Variants in SP4 observed in about 807,000 individuals in gnomAD.
SP4 encodes the protein transcription factor Sp4.
Under a neutral mutation model 72.8 loss-of-function variants are expected in SP4, and 19 were observed. The observed-to-expected ratio is 0.26, with a 90% CI of 0.18 to 0.38. The LOEUF is 0.38. SP4 is among the 10% of genes least tolerant of loss of function. The pLI is 1.00. For missense variants in SP4, 1,008 were observed against 926.3 expected, an observed-to-expected ratio of 1.09 and a Z score of -1.14; for synonymous variants, 395 against 333.1, an observed-to-expected ratio of 1.19 and a Z score of -2.02.
In SP4 at chr7:21,476,304, A is replaced by T. The variant is rs537913379; in HGVS notation, c.1679-775A>T. Among the ~76,000 whole-genome samples, 174 of 143,984 alleles carry T rather than the reference A, an allele frequency of 1.2e-3. 3 individuals are homozygous for T. The South Asian group carries it at 0.036, about 30-fold the overall frequency. 94.5% of individuals were successfully genotyped at this position (143,984 alleles called of 152,430 possible). A position where few individuals can be genotyped will look rare whatever the true frequency, so the allele number is the denominator to read the frequency against. On this transcript the variant is annotated intron_variant, in intron 3 of 5. Transcript: ENST00000222584. ...AAAAAAAAAAAAAAAAAAGCATTGT[A>T]TTTCAGGATAATGTTAAGCCATGCC... is the stretch of plus-strand genomic sequence containing the variant.
intron 5 of SP4, among the ~76,000 whole-genome samples, chr7:21,486,978 T>G (rs1240784085): frequency 6.6e-6 from 1 of 152,244 alleles, no homozygotes; most frequent in Non-Finnish European, 1.5e-5. Context: ...CCTGCAGCAG[T>G]TATTACTGTG....
At chr7:21,449,020 G>C (rs375954564) in intron 3 of SP4, among the ~76,000 whole-genome samples, 8 of 152,116 alleles carry the variant, frequency 5.3e-5, no homozygotes, top group African/African-American at 1.7e-4. Context: ...TCCTGCAAAT[G>C]CTTTTTTCAA....
intron 3 of SP4, among the ~76,000 whole-genome samples, chr7:21,472,096 G>A (rs1448021466): frequency 6.6e-6 from 1 of 152,148 alleles, no homozygotes; most frequent in Non-Finnish European, 1.5e-5. Context: ...GTGTTCACTG[G>A]CAGTTGATAG....
intron 3 of SP4, among the ~76,000 whole-genome samples, chr7:21,452,875 G>A (rs909387624): frequency 3.3e-5 from 5 of 150,828 alleles, no homozygotes; most frequent in Non-Finnish European, 5.9e-5. Context: ...CTCCACCTCC[G>A]AGGTTCAAGC....
chr7:21,448,522 G>A (rs1005813027), intron 3 of SP4, among the ~76,000 whole-genome samples: 13 of 152,272 alleles, frequency 8.5e-5, no homozygotes, highest in African/African-American at 2.9e-4. Flanking sequence ...AGAATGAGAC[G>A]TGGGTTCAAT....
At chr7:21,475,929 C>T (rs1784486528) in intron 3 of SP4, among the ~76,000 whole-genome samples, 1 of 152,034 alleles carries the variant, frequency 6.6e-6, no homozygotes, top group African/African-American at 2.4e-5. Context: ...TTGTTATTCC[C>T]ACACCTGATG....
Position 21,511,352 on chromosome 7 carries a change from TAC to T in SP4, c.*85_*86del, listed in dbSNP as rs1265564403. 2 of 1,336,484 alleles carry T rather than the reference TAC, an allele frequency of 1.5e-6. No homozygotes were observed. Among genetic ancestry groups the T allele is most frequent in the African/African-American group, 2.9e-5 (2 of 68,354 alleles). The allele number at this position is 1,336,484 out of a possible 1,614,324, so 82.8% of individuals were successfully genotyped here. On this transcript the variant is annotated 3_prime_UTR_variant, in exon 6 of 6. Coordinates refer to ENST00000222584, the MANE Select transcript of SP4 (RefSeq NM_003112.5). ...CTGGAAATGGGCTGGTCAAGTGGAT[TAC>T]AGAGTAGGAAATTATGTTTTCATTC...
intron 3 of SP4, among the ~76,000 whole-genome samples, chr7:21,452,147 C>A (rs889571139): frequency 5.3e-5 from 8 of 152,194 alleles, no homozygotes. Context: ...TACCATAGTT[C>A]TTGAAACATG....
At chr7:21,487,350 CTCTG>C (rs1784844924) in intron 5 of SP4, among the ~76,000 whole-genome samples, 1 of 148,728 alleles carries the variant, frequency 6.7e-6, no homozygotes, top group African/African-American at 2.5e-5. Context: ...CTCTCTCTTT[CTCTG>C]TCTCTCTCTC....
At chr7:21,431,832 T>A (rs1782867062) in intron 3 of SP4, among the ~76,000 whole-genome samples, 1 of 152,254 alleles carries the variant, frequency 6.6e-6, no homozygotes, top group Non-Finnish European at 1.5e-5. Flanking sequence ...ATTTTGATAA[T>A]GTGGGATAAA....
At chr7:21,497,286 C>G (rs1046301823) in intron 5 of SP4, among the ~76,000 whole-genome samples, 1 of 26,222 alleles carries the variant, frequency 3.8e-5, no homozygotes, top group Non-Finnish European at 1.3e-4. Context: ...TCCACCCCCT[C>G]TAGTGGCTGC....
At chr7:21,452,694 A>G (rs1783636320) in intron 3 of SP4, among the ~76,000 whole-genome samples, 1 of 152,242 alleles carries the variant, frequency 6.6e-6, no homozygotes, top group Admixed American at 6.5e-5. Context: ...GCCATTAGTT[A>G]AGAATACTCA....
chr7:21,454,336 A>G (rs1430492731), intron 3 of SP4, among the ~76,000 whole-genome samples: 1 of 146,126 alleles, frequency 6.8e-6, no homozygotes, highest in African/African-American at 2.6e-5. Context: ...ACATTTCTTT[A>G]TAAATTCCCT....
intron 3 of SP4, among the ~76,000 whole-genome samples, chr7:21,470,482 C>T (rs553515166): frequency 1.3e-5 from 2 of 152,312 alleles, no homozygotes; most frequent in East Asian, 1.9e-4. Flanking sequence ...GCCCCTGCCT[C>T]ACAATCCAGA....
rs377342719 is a variant in SP4 at position 21,481,906 on chromosome 7, G to A, written c.1908-18G>A. 14 of 1,585,158 alleles carry A rather than the reference G, an allele frequency of 8.8e-6. No individual in the cohort carries two copies. Among genetic ancestry groups the A allele is most frequent in the South Asian group, 5.5e-5 (5 of 90,332 alleles). The stretch of plus-strand genomic sequence containing the variant: ...CTATTTGGCAGTGTAATTAATGTTC[G>A]GTTTTTGTTTTTGCTAGAGGCAGTA... On this transcript the variant is annotated intron_variant, in intron 4 of 5. Coordinates refer to ENST00000222584, the MANE Select transcript of SP4 (RefSeq NM_003112.5).
intron 4 of SP4, among the ~76,000 whole-genome samples, chr7:21,479,703 G>A (rs971809222): frequency 6.6e-6 from 1 of 152,210 alleles, no homozygotes; most frequent in African/African-American, 2.4e-5. Flanking sequence ...CATTGAATCT[G>A]TAGATCACTT....
At position 21,439,432 on chromosome 7, in the gene SP4, G is replaced by A. The variant is rs142550094; in HGVS notation, c.1678+8589G>A. Among the ~76,000 whole-genome samples the A allele has an allele frequency of 5.4e-3, 819 of 152,024 alleles. 7 individuals carry two copies. Among genetic ancestry groups the A allele is most frequent in the African/African-American group, 0.018 (762 of 41,472 alleles). On this transcript the variant is annotated intron_variant, in intron 3 of 5. Coordinates refer to ENST00000222584, the MANE Select transcript of SP4 (RefSeq NM_003112.5). ...GGCGAAGGCAGGGCTTTTAGTGTGT[G>A]CATCACTGCAGGAATGTACACTGTA...
intron 4 of SP4, among the ~76,000 whole-genome samples, chr7:21,479,359 G>A (rs888921271): frequency 3.3e-5 from 5 of 151,956 alleles, no homozygotes; most frequent in East Asian, 1.9e-4. Context: ...TTAGGTAAGG[G>A]TTCATCAAGC....
intron 5 of SP4, among the ~76,000 whole-genome samples, chr7:21,493,743 A>G (rs1008441018): frequency 6.6e-6 from 1 of 152,182 alleles, no homozygotes; most frequent in Non-Finnish European, 1.5e-5. Flanking sequence ...GTATGGTTTC[A>G]TTGACAAATT....
Sources: gnomAD v4.1 joint callset for allele counts (sites outside exome capture counted in the v4.1 genomes callset) on GRCh38, gnomAD v4.1.1 for gene constraint, MANE v1.5 for transcripts, NCBI Gene and HGNC (gene_info 2026-07-23, HGNC 2026-07-21) for gene names.